HTR4: variants seen among roughly 807,000 people sequenced by gnomAD.
HTR4 encodes 5-hydroxytryptamine receptor 4.
In HTR4, 16 loss-of-function variants were observed where a neutral mutation model predicts 36.8. That is an observed-to-expected ratio of 0.43 (90% confidence interval 0.29 to 0.66). The LOEUF (loss-of-function observed/expected upper bound fraction) is 0.66. Ranked by LOEUF, HTR4 falls within the 30% of genes least tolerant of loss-of-function variation. The pLI is 0.13. For missense variants in HTR4, 438 were observed against 490.9 expected (o/e 0.89, Z 1.02); for synonymous variants, 189 against 185.1 (o/e 1.02, Z -0.17).
At chr5:148,621,852 G>T (rs528582710) in intron 2 of HTR4, among the ~76,000 whole-genome samples, 2 of 152,128 alleles carry the variant, frequency 1.3e-5, no homozygotes, top group African/African-American at 4.8e-5. Context: ...AACTTGCCTT[G>T]GTGATCTGGT....
At chr5:148,503,323 G>A (rs1757025994) in intron 6 of HTR4, among the ~76,000 whole-genome samples, 1 of 152,196 alleles carries the variant, frequency 6.6e-6, no homozygotes, top group Admixed American at 6.5e-5. Flanking sequence ...CCAGAAGAGG[G>A]TGGGGGCCAA....
intron 6 of HTR4, among the ~76,000 whole-genome samples, chr5:148,507,088 G>A (rs987363091): frequency 3.4e-4 from 51 of 151,846 alleles, no homozygotes; most frequent in African/African-American, 4.6e-4. Context: ...TGTTTATTGC[G>A]GCACTATTCA....
chr5:148,645,595 C>T (rs7713886), intron 1 of HTR4: 129,317 of 152,166 alleles, frequency 0.85, 55,384 homozygotes, highest in African/African-American at 0.96. Flanking sequence ...TACTTGACTT[C>T]TCTTAGCCTC....
chr5:148,511,643 G>GTGTGTGTGTGTGTGTA (rs1303373101), intron 5 of HTR4, among the ~76,000 whole-genome samples: 1 of 151,768 alleles, frequency 6.6e-6, no homozygotes, highest in Non-Finnish European at 1.5e-5. Context: ...GTGTGTGTGT[G>GTGTGTGTGTGTGTGTA]TGTGTGTGTG....
intron 2 of HTR4, among the ~76,000 whole-genome samples, chr5:148,635,692 T>C (rs917747449): frequency 6.6e-6 from 1 of 152,204 alleles, no homozygotes; most frequent in African/African-American, 2.4e-5. Flanking sequence ...TGTGTCACCA[T>C]TGATATTGCT....
chr5:148,645,921 C>T (rs959730049), intron 1 of HTR4: 8 of 152,270 alleles, frequency 5.3e-5, no homozygotes, highest in African/African-American at 1.9e-4. Context: ...CTGAAAATGC[C>T]CAAAGGTTCT....
rs1757422326 is a variant in HTR4 at position 148,510,013 on chromosome 5, C to T, written c.519G>A (p.Arg173=). The T allele has an allele frequency of 1.9e-6, 3 of 1,608,888 alleles. No individual in the cohort carries two copies. The highest frequency in any genetic ancestry group is 3.3e-4 in the Middle Eastern group (2 of 6,040). The change falls in exon 6 of 7, where the codon AGG becomes AGA. Residue 173 remains arginine (R), a synonymous_variant. Coordinates refer to ENST00000377888, the MANE Select transcript of HTR4 (RefSeq NM_000870.7). ...TAGAGTTAGAGTTCTGGTTGAACTT[C>T]CTCTTTTCTATCTGAGAGTTGGAGG... is the stretch of plus-strand genomic sequence containing the variant. ...NIGIIDLIEK[R]KFNQNSNSTY...
chr5:148,478,033 A>G (rs2113711345), downstream of HTR4, among the ~76,000 whole-genome samples: 1 of 152,230 alleles, frequency 6.6e-6, no homozygotes. Context: ...ATTCATGTAC[A>G]TGTGTCTCCT....
chr5:148,494,433 T>G (rs909076994), intron 6 of HTR4, among the ~76,000 whole-genome samples: 2 of 152,240 alleles, frequency 1.3e-5, no homozygotes, highest in African/African-American at 4.8e-5. Flanking sequence ...CCGGATTATT[T>G]TTTCTTCTGC....
intron 5 of HTR4, among the ~76,000 whole-genome samples, chr5:148,465,033 G>T (rs1482317024): frequency 6.6e-6 from 1 of 151,812 alleles, no homozygotes; most frequent in Non-Finnish European, 1.5e-5. Context: ...AAACTATGGA[G>T]AAAATAAAAA....
intron 2 of HTR4, among the ~76,000 whole-genome samples, chr5:148,566,402 AT>A (rs1415181316): frequency 2.0e-5 from 3 of 152,206 alleles, no homozygotes; most frequent in Non-Finnish European, 4.4e-5. Context: ...TAAGATTTGT[AT>A]AACTACAAGC....
intron 4 of HTR4, among the ~76,000 whole-genome samples, chr5:148,548,321 C>G (rs558983625): frequency 6.6e-6 from 1 of 152,300 alleles, no homozygotes; most frequent in East Asian, 1.9e-4. Context: ...GGAAGATGTA[C>G]TCATTCTTGA....
intron 4 of HTR4, among the ~76,000 whole-genome samples, chr5:148,534,478 C>T (rs892640536): frequency 6.6e-6 from 1 of 152,176 alleles, no homozygotes; most frequent in African/African-American, 2.4e-5. Flanking sequence ...CCATCCCCTG[C>T]CAGAGGTATT....
intron 1 of HTR4, among the ~76,000 whole-genome samples, chr5:148,643,770 T>TGTGAGGTA (rs939632127): frequency 4.6e-5 from 7 of 152,160 alleles, no homozygotes; most frequent in African/African-American, 1.4e-4. Flanking sequence ...TGAGACTAAC[T>TGTGAGGTA]GTGAGGTAGA....
intron 2 of HTR4, chr5:148,629,818 T>C (rs1753257032): frequency 6.6e-6 from 1 of 152,224 alleles, no homozygotes; most frequent in Non-Finnish European, 1.5e-5. Flanking sequence ...GGGGAAGCTG[T>C]ATCTGTTATT....
intron 2 of HTR4, among the ~76,000 whole-genome samples, chr5:148,636,234 C>A (rs1002425996): frequency 6.6e-6 from 1 of 152,122 alleles, no homozygotes. Context: ...CTGATCTATA[C>A]CTGAAATATA....
At chr5:148,472,196 G>A (rs1284557870), downstream of HTR4, among the ~76,000 whole-genome samples, 2 of 152,172 alleles carry the variant, frequency 1.3e-5, no homozygotes, top group East Asian at 3.8e-4. Context: ...TTTATCTTCA[G>A]CCCCAAGATC....
intron 5 of HTR4, among the ~76,000 whole-genome samples, chr5:148,460,777 G>T (rs758841924): frequency 1.3e-5 from 2 of 152,162 alleles, no homozygotes; most frequent in East Asian, 1.9e-4. Flanking sequence ...AATTGCTCAG[G>T]TAGATAACAG....
intron 6 of HTR4, among the ~76,000 whole-genome samples, chr5:148,506,163 G>T (rs913480545): frequency 4.6e-5 from 7 of 151,968 alleles, no homozygotes; most frequent in African/African-American, 1.5e-4. Flanking sequence ...ATGGTACTGG[G>T]ACTAAAACAG....
Sources: gnomAD v4.1 joint callset for allele counts (sites outside exome capture counted in the v4.1 genomes callset) on GRCh38, gnomAD v4.1.1 for gene constraint, MANE v1.5 for transcripts, NCBI Gene and HGNC (gene_info 2026-07-23, HGNC 2026-07-21) for gene names.